Variants in RBPJ observed in about 807,000 individuals in gnomAD.
RBPJ encodes the protein recombination signal binding protein for immunoglobulin kappa J region, also known as recombining binding protein suppressor of hairless.
Under a neutral mutation model 67.8 loss-of-function variants are expected in RBPJ, and 9 were observed. The observed-to-expected ratio is 0.13, with a 90% CI of 0.08 to 0.23. The LOEUF (loss-of-function observed/expected upper bound fraction) is 0.23. Ranked by LOEUF, RBPJ falls within the 10% of genes least tolerant of loss-of-function variation. The pLI is 1.00. For missense variants in RBPJ, 305 were observed against 595.6 expected (o/e 0.51, Z 5.08); for synonymous variants, 198 against 203.3 (o/e 0.97, Z 0.22).
intron 1 of RBPJ, among the ~76,000 whole-genome samples, chr4:26,222,347 T>A (rs1156803999): frequency 1.3e-5 from 2 of 151,618 alleles, no homozygotes. Flanking sequence ...TACAAAAAAT[T>A]AGTTGGGCGT....
intron 3 of RBPJ, among the ~76,000 whole-genome samples, chr4:26,413,414 T>C (rs1021935966): frequency 8.5e-5 from 13 of 152,232 alleles, no homozygotes; most frequent in African/African-American, 3.1e-4. Context: ...TGCATGTTAT[T>C]TCACTCATTT....
chr4:26,425,114 A>G, intron 7 of RBPJ: 1 of 260,580 alleles, frequency 3.8e-6, no homozygotes, highest in African/African-American at 2.2e-5. Context: ...GGTACCTGCC[A>G]TATCCCAATG....
the RBPJ span, among the ~76,000 whole-genome samples, chr4:26,132,419 G>A: frequency 6.6e-6 from 1 of 151,738 alleles, no homozygotes; most frequent in South Asian, 2.1e-4. Context: ...GCCCACCTGA[G>A]CTCCCTTCCA....
rs148447110 is a variant in RBPJ, at chr4:26,324,611, C to A, written c.20+3563C>A. 6.0e-3 allele frequency among the ~76,000 whole-genome samples: 911 copies of A among 152,222 alleles called. 10 individuals are homozygous for A. The highest frequency in any genetic ancestry group is 0.021 in the African/African-American group (859 of 41,526). On this transcript the variant is annotated intron_variant, in intron 1 of 10. Coordinates refer to ENST00000355476, the MANE Select transcript of RBPJ (RefSeq NM_015874.6). ...GTGGCACAATCTTAGCTCACTGCAA[C>A]CTCCACCTCCTGGGTTCAAGCGATC...
At chr4:26,406,051 T>C in intron 2 of RBPJ, 124 bp from the exon 3 acceptor site, 1 of 585,334 alleles carries the variant, frequency 1.7e-6, no homozygotes, top group Admixed American at 3.1e-5. Context: ...ATTGTTTTTG[T>C]TTTTAAGATT....
Position 26,431,281 on chromosome 4 carries a change from G to GTTT in RBPJ, c.*277_*279dup. 1 of 323,298 alleles carries GTTT rather than the reference G, an allele frequency of 3.1e-6. No individual in the cohort carries two copies. The highest frequency in any genetic ancestry group is 5.6e-6 in the Non-Finnish European group (1 of 177,180). 20.0% of individuals were successfully genotyped at this position (323,298 alleles called of 1,614,324 possible). ...AGCTGTTTTGTTGGTTGGTTGGTTG[G>GTTT]TTTTTGTTTGGTTTTGTTTAAATGG... is the stretch of plus-strand genomic sequence containing the variant. On this transcript the variant is annotated 3_prime_UTR_variant, in exon 11 of 11. Transcript: ENST00000355476.
chr4:26,182,384 G>A (rs573709267), intron 1 of RBPJ, among the ~76,000 whole-genome samples: 2 of 151,968 alleles, frequency 1.3e-5, no homozygotes, highest in African/African-American at 4.8e-5. Context: ...TGACTCTTTC[G>A]TAATAACATT....
chr4:26,196,593 T>G (rs1717773066), intron 1 of RBPJ, among the ~76,000 whole-genome samples: 1 of 152,242 alleles, frequency 6.6e-6, no homozygotes, highest in Non-Finnish European at 1.5e-5. Flanking sequence ...AGTCAGAAAC[T>G]GAGTAGCCTA....
At chr4:26,135,116 C>T in the RBPJ span, among the ~76,000 whole-genome samples, 1 of 152,108 alleles carries the variant, frequency 6.6e-6, no homozygotes, top group African/African-American at 2.4e-5. Context: ...GAATTCTGTA[C>T]CCTGGGGATC....
At chr4:26,347,739 C>T (rs1726314897) in intron 1 of RBPJ, among the ~76,000 whole-genome samples, 1 of 152,116 alleles carries the variant, frequency 6.6e-6, no homozygotes, top group Non-Finnish European at 1.5e-5. Flanking sequence ...TTGGAAGGAA[C>T]ACACGAAGAG....
chr4:26,417,406 C>T (rs1478676288), intron 4 of RBPJ, among the ~76,000 whole-genome samples: 5 of 152,188 alleles, frequency 3.3e-5, no homozygotes, highest in Non-Finnish European at 1.5e-5. Context: ...CTTTCTTCAA[C>T]TTCCACTAGT....
chr4:26,327,035 G>T (rs1723695364), intron 1 of RBPJ, among the ~76,000 whole-genome samples: 1 of 152,000 alleles, frequency 6.6e-6, no homozygotes, highest in Non-Finnish European at 1.5e-5. Context: ...TTCTCTGCTT[G>T]GGCAGCTGTA....
At chr4:26,191,218 GAGAGAGAGAGAGAGAGAGAGAGAT>G (rs1560204177) in intron 1 of RBPJ, among the ~76,000 whole-genome samples, 5 of 82,784 alleles carry the variant, frequency 6.0e-5, no homozygotes, top group Non-Finnish European at 8.9e-5. Flanking sequence ...TATAGAGAGA[GAGAGAGAGAGAGAGAGAGAGAGAT>G]AGAGAGAGAG....
intron 1 of RBPJ, among the ~76,000 whole-genome samples, chr4:26,376,634 G>T (rs750884602): frequency 6.6e-6 from 1 of 152,122 alleles, no homozygotes; most frequent in Non-Finnish European, 1.5e-5. Context: ...TGTTTTTTCT[G>T]AGTATATGCT....
At chr4:26,318,450 G>C (rs1722736449), upstream of RBPJ, among the ~76,000 whole-genome samples, 1 of 152,066 alleles carries the variant, frequency 6.6e-6, no homozygotes, top group African/African-American at 2.4e-5. Flanking sequence ...ACGTAAAATG[G>C]AATATTGCAA....
intron 1 of RBPJ, among the ~76,000 whole-genome samples, chr4:26,382,210 C>A (rs544108091): frequency 6.6e-6 from 1 of 152,236 alleles, no homozygotes; most frequent in East Asian, 1.9e-4. Flanking sequence ...AAAATGTGTA[C>A]CTTCTTTCCC....
At chr4:26,210,727 C>CTTTCCTTCTTTCCTTCTTTA (rs1718371547) in intron 1 of RBPJ, among the ~76,000 whole-genome samples, 1 of 61,772 alleles carries the variant, frequency 1.6e-5, no homozygotes. Flanking sequence ...TTCTTTCTTT[C>CTTTCCTTCTTTCCTTCTTTA]CTTCTTTACT....
intron 1 of RBPJ, among the ~76,000 whole-genome samples, chr4:26,168,394 G>A (rs1315472824): frequency 4.6e-5 from 7 of 152,138 alleles, no homozygotes; most frequent in Non-Finnish European, 7.3e-5. Flanking sequence ...AATGTTGAAT[G>A]TTGGCCCCCA....
intron 1 of RBPJ, among the ~76,000 whole-genome samples, chr4:26,184,861 G>C (rs527879563): frequency 5.9e-5 from 9 of 152,258 alleles, no homozygotes; most frequent in African/African-American, 1.7e-4. Context: ...GTTATGTTGG[G>C]CCGGGTGCGG....
Sources: allele counts gnomAD v4.1 joint callset (sites outside exome capture counted in the v4.1 genomes callset), GRCh38; gene constraint gnomAD v4.1.1; transcripts MANE v1.5; gene names NCBI Gene and HGNC (gene_info 2026-07-23, HGNC 2026-07-21).